Variants in PLXDC2 observed in about 807,000 individuals in gnomAD.
The protein encoded by PLXDC2 is plexin domain containing 2.
In PLXDC2, 40 loss-of-function variants were observed where a neutral mutation model predicts 68.9. The observed-to-expected ratio is 0.58, with a 90% CI of 0.45 to 0.76. The LOEUF (loss-of-function observed/expected upper bound fraction) is 0.76. Ranked by LOEUF, PLXDC2 falls within the 30% of genes least tolerant of loss-of-function variation. The pLI, the probability that PLXDC2 is intolerant of heterozygous loss-of-function variation, is 0.00. For synonymous variants in PLXDC2, 243 were observed against 234.2 expected (o/e 1.04, Z -0.34); for missense variants, 644 against 661.9 (o/e 0.97, Z 0.30).
intron 1 of PLXDC2, among the ~76,000 whole-genome samples, chr10:19,942,102 T>C (rs1833829856): frequency 6.6e-6 from 1 of 152,150 alleles, no homozygotes; most frequent in Non-Finnish European, 1.5e-5. Flanking sequence ...TTTAACTATC[T>C]ACAGTGACTA....
chr10:19,971,476 A>G (rs1485614981), intron 1 of PLXDC2, among the ~76,000 whole-genome samples: 1 of 152,176 alleles, frequency 6.6e-6, no homozygotes, highest in Non-Finnish European at 1.5e-5. Context: ...TAAGAATTCA[A>G]TAAGAGTGCT....
At chr10:19,972,225 G>A (rs1264493513) in intron 1 of PLXDC2, among the ~76,000 whole-genome samples, 1 of 152,172 alleles carries the variant, frequency 6.6e-6, no homozygotes, top group African/African-American at 2.4e-5. Context: ...CTGGATAAAG[G>A]AAATGTGGTA....
At chr10:20,101,867 G>A (rs888457065) in intron 4 of PLXDC2, among the ~76,000 whole-genome samples, 1 of 151,116 alleles carries the variant, frequency 6.6e-6, no homozygotes, top group East Asian at 1.9e-4. Context: ...GCATAATCTC[G>A]GCTCACTGCA....
chr10:19,910,106 T>A (rs1833239277), intron 1 of PLXDC2, among the ~76,000 whole-genome samples: 1 of 151,870 alleles, frequency 6.6e-6, no homozygotes, highest in Non-Finnish European at 1.5e-5. Context: ...GTAACAGCAA[T>A]ATCATTGACA....
intron 1 of PLXDC2, among the ~76,000 whole-genome samples, chr10:19,890,542 G>GTTT (rs71388876): frequency 1.4e-5 from 2 of 139,438 alleles, no homozygotes; most frequent in African/African-American, 5.3e-5. Flanking sequence ...CTGAGACGGG[G>GTTT]TTTTTTTTTT....
chr10:20,138,539 T>G (rs930254762), intron 4 of PLXDC2, among the ~76,000 whole-genome samples: 4 of 152,224 alleles, frequency 2.6e-5, no homozygotes, highest in Non-Finnish European at 4.4e-5. Flanking sequence ...CCAGCCTTAT[T>G]AAATACTTCA....
chr10:19,854,790 G>A (rs558257893), intron 1 of PLXDC2, among the ~76,000 whole-genome samples: 36 of 152,178 alleles, frequency 2.4e-4, no homozygotes, highest in South Asian at 2.1e-3. Context: ...GAGTGCCAGG[G>A]GCAAATTTCA....
intron 4 of PLXDC2, among the ~76,000 whole-genome samples, chr10:20,137,361 G>A (rs1046927032): frequency 1.3e-5 from 2 of 152,182 alleles, no homozygotes; most frequent in Non-Finnish European, 2.9e-5. Flanking sequence ...GGTACACAGA[G>A]TTTAAGTAAC....
chr10:19,933,277 G>A (rs1833669715), intron 1 of PLXDC2, among the ~76,000 whole-genome samples: 1 of 152,092 alleles, frequency 6.6e-6, no homozygotes, highest in Middle Eastern at 3.2e-3. Context: ...ATTTACTGTG[G>A]AAATAGAAAA....
chr10:20,017,415 G>A (rs371707018), intron 2 of PLXDC2, among the ~76,000 whole-genome samples: 6 of 152,210 alleles, frequency 3.9e-5, no homozygotes, highest in African/African-American at 1.2e-4. Context: ...CCTCCTCAGG[G>A]TATCAAGAAA....
intron 1 of PLXDC2, among the ~76,000 whole-genome samples, chr10:19,987,783 C>A (rs6482075): frequency 0.58 from 87,928 of 151,654 alleles, 25,531 homozygotes; most frequent in Non-Finnish European, 0.61. Context: ...CCAGGATGGT[C>A]TCGATCGATC....
intron 12 of PLXDC2, among the ~76,000 whole-genome samples, chr10:20,233,596 AT>A: frequency 6.6e-6 from 1 of 152,306 alleles, no homozygotes; most frequent in Non-Finnish European, 1.5e-5. Flanking sequence ...TAATTTGTTC[AT>A]AGTCACATGG....
Position 20,283,264 on chromosome 10 carries a change from C to T in PLXDC2, c.*3445C>T, listed in dbSNP as rs536699003. On this transcript the variant is annotated 3_prime_UTR_variant, in exon 14 of 14. Transcript: ENST00000377252. ...CCACTGTGTTATCTTGGGAAAATCA[C>T]TTCAACCTCCTTGAGTCTCAATTTG... 1.3e-5 allele frequency: 2 copies of T among 152,202 alleles called. No individual in the cohort carries two copies. The highest frequency in any genetic ancestry group is 4.8e-5 in the African/African-American group (2 of 41,454). The allele number at this position is 152,202 out of a possible 1,614,324, so 9.4% of individuals were successfully genotyped here. A position where few individuals can be genotyped will look rare whatever the true frequency, so the allele number is the denominator to read the frequency against.
intron 1 of PLXDC2, among the ~76,000 whole-genome samples, chr10:19,849,968 C>T (rs1384013066): frequency 6.6e-6 from 1 of 152,182 alleles, no homozygotes; most frequent in African/African-American, 2.4e-5. Flanking sequence ...CAAGTACGGC[C>T]ATCTCTAGCA....
At chr10:19,993,944 G>C (rs1834795011) in intron 1 of PLXDC2, among the ~76,000 whole-genome samples, 1 of 152,126 alleles carries the variant, frequency 6.6e-6, no homozygotes, top group Admixed American at 6.6e-5. Flanking sequence ...CTAATTCTCT[G>C]CTGCCTCAGA....
rs1836573843 is a variant in PLXDC2, at chr10:20,082,069, A to AAAAAAAAAAAAAAAAAAG, written c.541+13837_541+13838insAAAAAAAAAAGAAAAAAA. On this transcript the variant is annotated intron_variant, in intron 4 of 13. Coordinates refer to ENST00000377252, the MANE Select transcript of PLXDC2 (RefSeq NM_032812.9). ...TGAAAAAAAAAAAAAAAAATCAAAAAAAAAAAACAGGAGAAGTCTGAGAAA... is the reference window on the plus strand; with the variant it reads ...TGAAAAAAAAAAAAAAAAATCAAAAAAAAAAAAAAAAAAAAAAGAAAAAAACAGGAGAAGTCTGAGAAA... Among the ~76,000 whole-genome samples, 2 of 148,590 alleles carry AAAAAAAAAAAAAAAAAAG rather than the reference A, an allele frequency of 1.3e-5. 1 individual carries two copies. Among genetic ancestry groups the AAAAAAAAAAAAAAAAAAG allele is most frequent in the African/African-American group, 4.9e-5 (2 of 40,642 alleles).
chr10:19,991,830 ATCT>A, intron 1 of PLXDC2, among the ~76,000 whole-genome samples: 1 of 152,164 alleles, frequency 6.6e-6, no homozygotes, highest in Non-Finnish European at 1.5e-5. Context: ...AATTGATTAC[ATCT>A]GGCCTCTTCT....
chr10:20,068,349 G>A lies in PLXDC2; in HGVS notation c.541+110G>A, dbSNP rs574252960. The A allele has an allele frequency of 2.1e-4, 208 of 970,850 alleles. No individual in the cohort carries two copies. The African/African-American group carries it at 3.1e-3, about 15-fold the overall frequency. The allele number at this position is 970,850 out of a possible 1,614,324, so 60.1% of individuals were successfully genotyped here. On this transcript the variant is annotated intron_variant, in intron 4 of 13. Transcript: ENST00000377252. ...GGATATTTATTGAGAAAACCATTGT[G>A]TTTTATCACAAAGTCATAGGTATAA...
chr10:20,128,024 A>C (rs1833815769), intron 4 of PLXDC2, among the ~76,000 whole-genome samples: 1 of 152,170 alleles, frequency 6.6e-6, no homozygotes, highest in Admixed American at 6.5e-5. Context: ...TGGTCAACCT[A>C]GACAGAAATT....
Sources: allele counts gnomAD v4.1 joint callset (sites outside exome capture counted in the v4.1 genomes callset), GRCh38; gene constraint gnomAD v4.1.1; transcripts MANE v1.5; gene names NCBI Gene and HGNC (gene_info 2026-07-23, HGNC 2026-07-21).